Variants in SLC44A5 observed in about 807,000 individuals in gnomAD.
SLC44A5 encodes the protein solute carrier family 44 member 5.
SLC44A5 carries 57 observed loss-of-function variants against 101.8 expected under a neutral mutation model. The ratio of observed to expected loss-of-function variants is 0.56; its 90% CI spans 0.45 to 0.70. SLC44A5 has a LOEUF of 0.70. SLC44A5 is among the 30% of genes least tolerant of loss of function. SLC44A5 has a pLI of 0.00. For synonymous variants in SLC44A5, 281 were observed against 290.9 expected, an observed-to-expected ratio of 0.97 and a Z score of 0.35; for missense variants, 737 against 853.1, an observed-to-expected ratio of 0.86 and a Z score of 1.70.
At chr1:75,623,677 T>A in the SLC44A5 span, among the ~76,000 whole-genome samples, 1 of 152,056 alleles carries the variant, frequency 6.6e-6, no homozygotes, top group Non-Finnish European at 1.5e-5. Context: ...TGGCTGAAGC[T>A]TAGGACATGA....
At chr1:75,475,479 C>T (rs373316584) in intron 2 of SLC44A5, among the ~76,000 whole-genome samples, 72 of 152,258 alleles carry the variant, frequency 4.7e-4, no homozygotes, top group Admixed American at 1.0e-3. Context: ...TATTTTCTTC[C>T]GATATTTTAT....
intron 2 of SLC44A5, among the ~76,000 whole-genome samples, chr1:75,433,729 T>G (rs571239045): frequency 2.8e-4 from 42 of 152,284 alleles, no homozygotes; most frequent in Non-Finnish European, 5.0e-4. Flanking sequence ...GAAACAGAAT[T>G]CAATCTGCTC....
the SLC44A5 span, among the ~76,000 whole-genome samples, chr1:75,675,563 T>C: frequency 6.6e-6 from 1 of 152,138 alleles, no homozygotes; most frequent in African/African-American, 2.4e-5. Flanking sequence ...TCAAGATGGA[T>C]TAAAGACTTA....
chr1:75,634,299 C>A, the SLC44A5 span, among the ~76,000 whole-genome samples: 1 of 152,086 alleles, frequency 6.6e-6, no homozygotes, highest in African/African-American at 2.4e-5. Context: ...AGGAATGGTA[C>A]CAGTTCCTCC....
At chr1:75,388,975 G>T (rs776917233) in intron 3 of SLC44A5, among the ~76,000 whole-genome samples, 3 of 151,718 alleles carry the variant, frequency 2.0e-5, no homozygotes, top group Admixed American at 1.3e-4. Flanking sequence ...ATGACTTTTG[G>T]GATAGAAAAA....
chr1:75,366,536 T>C (rs1007626295), intron 3 of SLC44A5, among the ~76,000 whole-genome samples: 1 of 152,226 alleles, frequency 6.6e-6, no homozygotes, highest in South Asian at 2.1e-4. Context: ...TGGGGACCTT[T>C]AAGCTTTATG....
chr1:75,586,158 T>C (rs1484073209), intron 1 of SLC44A5, among the ~76,000 whole-genome samples: 1 of 152,106 alleles, frequency 6.6e-6, no homozygotes, highest in Non-Finnish European at 1.5e-5. Flanking sequence ...TCCAATCCTT[T>C]AGAGGCCTGA....
At chr1:75,273,421 G>A (rs1263820071) in intron 6 of SLC44A5, among the ~76,000 whole-genome samples, 2 of 152,064 alleles carry the variant, frequency 1.3e-5, no homozygotes, top group African/African-American at 2.4e-5. Context: ...ATGTTGAATA[G>A]AAGTGTTGCA....
intron 1 of SLC44A5, among the ~76,000 whole-genome samples, chr1:75,575,989 C>T (rs1673337896): frequency 6.6e-6 from 1 of 151,808 alleles, no homozygotes; most frequent in Admixed American, 6.6e-5. Context: ...ATACAAACAG[C>T]ACCAGAAATG....
At chr1:75,464,742 C>T (rs1280179851) in intron 2 of SLC44A5, among the ~76,000 whole-genome samples, 1 of 152,096 alleles carries the variant, frequency 6.6e-6, no homozygotes, top group Non-Finnish European at 1.5e-5. Context: ...ATGCTTGTAT[C>T]AGACAAAATA....
intron 1 of SLC44A5, among the ~76,000 whole-genome samples, chr1:75,559,512 T>G (rs1477014504): frequency 6.6e-6 from 1 of 152,156 alleles, no homozygotes; most frequent in Non-Finnish European, 1.5e-5. Context: ...TTGAGAACTT[T>G]GCATTTCACC....
intron 2 of SLC44A5, among the ~76,000 whole-genome samples, chr1:75,417,076 A>T (rs1374292824): frequency 6.6e-6 from 1 of 152,090 alleles, no homozygotes. Flanking sequence ...AGATTTGGGA[A>T]GGGCCAAAAC....
intron 14 of SLC44A5, among the ~76,000 whole-genome samples, chr1:75,221,935 G>A (rs1033685904): frequency 6.6e-6 from 1 of 150,734 alleles, no homozygotes; most frequent in Admixed American, 6.6e-5. Context: ...AATGGAAGAT[G>A]CTTTCTTTTA....
the SLC44A5 span, among the ~76,000 whole-genome samples, chr1:75,646,777 C>A: frequency 6.6e-6 from 1 of 152,164 alleles, no homozygotes; most frequent in Non-Finnish European, 1.5e-5. Context: ...AAGAGACTGG[C>A]TGCATTTTGC....
chr1:75,706,123 T>C, the SLC44A5 span, among the ~76,000 whole-genome samples: 2 of 152,342 alleles, frequency 1.3e-5, no homozygotes, highest in Non-Finnish European at 2.9e-5. Flanking sequence ...AGTATTTCAC[T>C]GTTTTTTGAT....
chr1:75,389,841 C>G (rs1412885058), intron 3 of SLC44A5, among the ~76,000 whole-genome samples: 2 of 151,754 alleles, frequency 1.3e-5, no homozygotes, highest in African/African-American at 4.8e-5. Context: ...CATTGAGATG[C>G]CAAAATTCAT....
intron 2 of SLC44A5, among the ~76,000 whole-genome samples, chr1:75,492,562 A>G (rs1191149965): frequency 6.6e-6 from 1 of 152,226 alleles, no homozygotes; most frequent in Non-Finnish European, 1.5e-5. Flanking sequence ...ATACACTGCT[A>G]TAACTGTGAG....
intron 3 of SLC44A5, among the ~76,000 whole-genome samples, chr1:75,372,052 C>T (rs1310912707): frequency 6.6e-6 from 1 of 152,086 alleles, no homozygotes; most frequent in African/African-American, 2.4e-5. Context: ...CAAACATTAG[C>T]CGGGCATGTT....
intron 2 of SLC44A5, among the ~76,000 whole-genome samples, chr1:75,479,923 C>T (rs1667720589): frequency 6.6e-6 from 1 of 152,162 alleles, no homozygotes; most frequent in Non-Finnish European, 1.5e-5. Flanking sequence ...CATCCTGATA[C>T]CAAAGCCGGG....
Sources: gnomAD v4.1 joint callset for allele counts (sites outside exome capture counted in the v4.1 genomes callset) on GRCh38, gnomAD v4.1.1 for gene constraint, MANE v1.5 for transcripts, NCBI Gene and HGNC (gene_info 2026-07-23, HGNC 2026-07-21) for gene names.